The following EGFLAM variants were observed in gnomAD, a reference collection of about 807,000 sequenced individuals.
EGFLAM encodes EGF like, fibronectin type III and laminin G domains.
Under a neutral mutation model 113.1 loss-of-function variants are expected in EGFLAM, and 79 were observed. That is an observed-to-expected ratio of 0.70 (90% CI 0.58 to 0.84). EGFLAM has a LOEUF of 0.84. Among genes scored for constraint, EGFLAM ranks in the 40% least tolerant of loss-of-function variants. The pLI, the probability that EGFLAM is intolerant of heterozygous loss-of-function variation, is 0.00. For missense variants in EGFLAM, 1,265 were observed against 1,291.6 expected, an observed-to-expected ratio of 0.98 and a Z score of 0.32; for synonymous variants, 504 against 487.6, an observed-to-expected ratio of 1.03 and a Z score of -0.44.
chr5:38,309,399 A>G (rs1346814462), intron 1 of EGFLAM, among the ~76,000 whole-genome samples: 3 of 152,184 alleles, frequency 2.0e-5, no homozygotes, highest in African/African-American at 7.2e-5. Flanking sequence ...TAATGAAAAC[A>G]TTTCACTCTT....
chr5:38,350,578 G>A lies in EGFLAM; in HGVS notation c.369G>A (p.Gly123=). The A allele has an allele frequency of 6.2e-7, 1 of 1,614,048 alleles. No individual in the cohort carries two copies. Among genetic ancestry groups the A allele is most frequent in the East Asian group, 2.2e-5 (1 of 44,874 alleles). The part of the protein sequence containing the change: ...SIAAYSQAGK[G]RLSSPRHVTT... ...CAGCTTACAGCCAGGCTGGCAAAGG[G>A]CGGCTGAGCTCTCCTCGGCATGTCA... The change falls in exon 4 of 22, where the codon GGG becomes GGA. Residue 123 remains glycine (G), a synonymous_variant. Coordinates refer to ENST00000322350, the MANE Select transcript of EGFLAM (RefSeq NM_152403.4).
intron 5 of EGFLAM, among the ~76,000 whole-genome samples, chr5:38,363,014 A>T (rs1739967850): frequency 6.6e-6 from 1 of 152,240 alleles, no homozygotes; most frequent in Non-Finnish European, 1.5e-5. Context: ...AGGTGAGTTT[A>T]TCATAACACC....
At chr5:38,462,887 T>G in intron 20 of EGFLAM, 21 bp from the exon 21 acceptor site, 1 of 1,613,850 alleles carries the variant, frequency 6.2e-7, no homozygotes, top group Non-Finnish European at 8.5e-7. Flanking sequence ...TTTTGTTCTT[T>G]TTTGTTTTGG....
At position 38,418,228 on chromosome 5, in the gene EGFLAM, G is replaced by A; in HGVS notation, c.1657G>A (p.Gly553Arg). 6.2e-7 allele frequency: 1 copy of A among 1,613,850 alleles called. No individual in the cohort carries two copies. Among genetic ancestry groups the A allele is most frequent in the Non-Finnish European group, 8.5e-7 (1 of 1,179,920 alleles). The change falls in exon 12 of 22, where the codon GGA (glycine) becomes AGA (arginine). Residue 553 changes from glycine to arginine, a missense_variant. Gly to Arg is a moderately radical substitution (Grantham distance 125). Coordinates refer to ENST00000322350, the MANE Select transcript of EGFLAM (RefSeq NM_152403.4). ...AATTGACATGAGGCCCTGGCCCCTG[G>A]GAAAAGCACTCAGTGGGGCTGATGT... ...RRIDMRPWPL[G>R]KALSGADVGE...
At chr5:38,385,005 G>T (rs1740619440) in intron 6 of EGFLAM, among the ~76,000 whole-genome samples, 1 of 152,078 alleles carries the variant, frequency 6.6e-6, no homozygotes, top group African/African-American at 2.4e-5. Flanking sequence ...CCCTACAATG[G>T]AGAATTATCT....
At position 38,400,277 on chromosome 5, in the gene EGFLAM, C is replaced by T. The variant is rs191781289; in HGVS notation, c.713-5849C>T. Among the ~76,000 whole-genome samples the T allele has an allele frequency of 1.1e-3, 160 of 152,278 alleles. 4 individuals are homozygous for T. The highest frequency in any genetic ancestry group is 9.5e-3 in the Admixed American group (145 of 15,304). ...GTGATGCCTTTATTAAAACAAAGCA[C>T]AGGTTTTTTTATAAAATAAAAGTCA... On this transcript the variant is annotated intron_variant, in intron 6 of 21. Transcript: ENST00000322350.
At chr5:38,320,303 T>G (rs907981576) in intron 1 of EGFLAM, among the ~76,000 whole-genome samples, 2 of 152,214 alleles carry the variant, frequency 1.3e-5, no homozygotes, top group Non-Finnish European at 2.9e-5. Context: ...TGCAAATTCT[T>G]GGGACCTCTT....
chr5:38,261,081 A>G (rs1757490019), intron 1 of EGFLAM, among the ~76,000 whole-genome samples: 1 of 152,136 alleles, frequency 6.6e-6, no homozygotes, highest in African/African-American at 2.4e-5. Flanking sequence ...ATACTCCTAA[A>G]TCTACTTTTG....
At chr5:38,387,290 G>GT (rs1740688221) in intron 6 of EGFLAM, among the ~76,000 whole-genome samples, 1 of 152,172 alleles carries the variant, frequency 6.6e-6, no homozygotes, top group African/African-American at 2.4e-5. Context: ...GATAAAGGCC[G>GT]TATGATGGCC....
chr5:38,295,913 T>A (rs1338668110), intron 1 of EGFLAM, among the ~76,000 whole-genome samples: 4 of 152,196 alleles, frequency 2.6e-5, no homozygotes, highest in African/African-American at 9.7e-5. Context: ...GTACTTGTTA[T>A]ATAGTTAGGA....
intron 1 of EGFLAM, among the ~76,000 whole-genome samples, chr5:38,316,032 G>A (rs1227116173): frequency 6.9e-5 from 10 of 145,332 alleles, no homozygotes; most frequent in African/African-American, 2.1e-4. Context: ...AGCTCAGATC[G>A]CGCCACTGCA....
At chr5:38,293,114 A>G (rs950468543) in intron 1 of EGFLAM, among the ~76,000 whole-genome samples, 1 of 152,208 alleles carries the variant, frequency 6.6e-6, no homozygotes, top group African/African-American at 2.4e-5. Context: ...CTAGTCTAAT[A>G]AGGGTTTTTA....
chr5:38,463,025 C>T lies in EGFLAM; in HGVS notation c.2875+14C>T, dbSNP rs1308874821. 2 of 1,606,872 alleles carry T rather than the reference C, an allele frequency of 1.2e-6. No individual in the cohort carries two copies. The highest frequency in any genetic ancestry group is 3.4e-5 in the Admixed American group (2 of 59,676). Reference sequence around the variant, plus strand: ...CTCTGTATGTGGGTAAGTGACCGACCCTCGACCAAAGCAAAATTAGGCCAG... The same window carrying T: ...CTCTGTATGTGGGTAAGTGACCGACTCTCGACCAAAGCAAAATTAGGCCAG... On this transcript the variant is annotated intron_variant, in intron 21 of 21. Coordinates refer to ENST00000322350, the MANE Select transcript of EGFLAM (RefSeq NM_152403.4).
chr5:38,422,307 CCT>C (rs964939647), intron 12 of EGFLAM, among the ~76,000 whole-genome samples: 2 of 152,142 alleles, frequency 1.3e-5, no homozygotes, highest in African/African-American at 4.8e-5. Flanking sequence ...GCCACACCCA[CCT>C]CTCCTCCCCA....
rs2112305764 is a variant in EGFLAM, at chr5:38,464,240, A to G, written c.*254A>G. On this transcript the variant is annotated 3_prime_UTR_variant, in exon 22 of 22. Coordinates refer to ENST00000322350, the MANE Select transcript of EGFLAM (RefSeq NM_152403.4). Reference sequence around the variant, plus strand: ...ATCGGACTTTGTCCATTGAATATGTAGCGGCTGCCAGAGATCACACATCAA... The same window carrying G: ...ATCGGACTTTGTCCATTGAATATGTGGCGGCTGCCAGAGATCACACATCAA... 4.2e-6 allele frequency: 2 copies of G among 471,684 alleles called. No homozygotes were observed. Among genetic ancestry groups the G allele is most frequent in the East Asian group, 6.8e-5 (2 of 29,556 alleles). The allele number at this position is 471,684 out of a possible 1,614,324, so 29.2% of individuals were successfully genotyped here.
intron 6 of EGFLAM, among the ~76,000 whole-genome samples, chr5:38,400,434 G>T (rs1160293267): frequency 6.6e-6 from 1 of 152,080 alleles, no homozygotes; most frequent in African/African-American, 2.4e-5. Context: ...AATTAACAAA[G>T]TACCAAGTAG....
At chr5:38,448,129 TG>T in intron 17 of EGFLAM, 171 bp from the exon 18 acceptor site, 1 of 663,366 alleles carries the variant, frequency 1.5e-6, no homozygotes, top group Non-Finnish European at 2.6e-6. Context: ...CCCCAGGCCA[TG>T]GGGTTGGGCA....
In EGFLAM at chr5:38,451,382, T is replaced by C. The variant is rs1561102355; in HGVS notation, c.2611T>C (p.Trp871Arg). 6.2e-7 allele frequency: 1 copy of C among 1,614,232 alleles called. No individual in the cohort carries two copies. The highest frequency in any genetic ancestry group is 1.7e-5 in the Admixed American group (1 of 60,026). The stretch of plus-strand genomic sequence containing the variant: ...AACTGCCAAGGATGGCCTTTTGCTG[T>C]GGAGGGGAGACAGCCCCATGAGACC... The part of the protein sequence containing the change: ...KTTAKDGLLL[W>R]RGDSPMRPNS... The change falls in exon 19 of 22, where the codon TGG (tryptophan) becomes CGG (arginine). Residue 871 changes from tryptophan to arginine, a missense_variant. Coordinates refer to ENST00000322350, the MANE Select transcript of EGFLAM (RefSeq NM_152403.4).
At chr5:38,457,129 G>A (rs1327631980) in intron 19 of EGFLAM, among the ~76,000 whole-genome samples, 1 of 152,182 alleles carries the variant, frequency 6.6e-6, no homozygotes, top group African/African-American at 2.4e-5. Context: ...AAATGGATAA[G>A]GGCAGAGGAT....
Sources: allele counts gnomAD v4.1 joint callset (sites outside exome capture counted in the v4.1 genomes callset), GRCh38; gene constraint gnomAD v4.1.1; transcripts MANE v1.5; gene names NCBI Gene and HGNC (gene_info 2026-07-23, HGNC 2026-07-21).